OSBP2: variants seen among roughly 807,000 people sequenced by gnomAD.
OSBP2 encodes oxysterol-binding protein 2.
OSBP2 carries 66 observed loss-of-function variants against 96.0 expected under a neutral mutation model. The ratio of observed to expected loss-of-function variants is 0.69; its 90% CI spans 0.56 to 0.84. The LOEUF (loss-of-function observed/expected upper bound fraction) is 0.84. Ranked by LOEUF, OSBP2 falls within the 40% of genes least tolerant of loss-of-function variation. The pLI is 0.00. For missense variants in OSBP2, 1,038 were observed against 1,222.7 expected (o/e 0.85, Z 2.25); for synonymous variants, 525 against 520.9 (o/e 1.01, Z -0.11).
chr22:30,711,833 A>G (rs1283536557), intron 1 of OSBP2, among the ~76,000 whole-genome samples: 1 of 151,826 alleles, frequency 6.6e-6, no homozygotes. Context: ...GAAGCCCACC[A>G]TGGTGTCTGC....
intron 8 of OSBP2, among the ~76,000 whole-genome samples, chr22:30,891,589 G>C (rs2039948893): frequency 1.3e-5 from 2 of 152,214 alleles, no homozygotes; most frequent in South Asian, 4.1e-4. Context: ...GGCTGCAGCT[G>C]CTGCAAGGCC....
At chr22:30,759,082 G>A (rs765729719) in intron 2 of OSBP2, among the ~76,000 whole-genome samples, 19 of 152,134 alleles carry the variant, frequency 1.2e-4, no homozygotes, top group Non-Finnish European at 1.9e-4. Context: ...GCAAAGGGCC[G>A]GGCGCAGTGT....
intron 12 of OSBP2, among the ~76,000 whole-genome samples, chr22:30,899,430 G>A (rs1436869875): frequency 2.7e-5 from 4 of 150,480 alleles, no homozygotes; most frequent in Non-Finnish European, 4.4e-5. Flanking sequence ...AAAAAGAACT[G>A]ACTCTAGAAG....
At position 30,857,345 on chromosome 22, in the gene OSBP2, C is replaced by T. The variant is rs369935010; in HGVS notation, c.854-13084C>T. Among the ~76,000 whole-genome samples, 136 of 152,262 alleles carry T rather than the reference C, an allele frequency of 8.9e-4. 1 individual carries two copies. In the South Asian group the frequency reaches 0.027, roughly 30 times the overall value. ...CTCCTCCTTTTACAGGAGCAAACAC[C>T]GAGGCCCAGGGGAGGGCACCTGTGT... is the stretch of plus-strand genomic sequence containing the variant. On this transcript the variant is annotated intron_variant, in intron 2 of 13. Coordinates refer to ENST00000332585, the MANE Select transcript of OSBP2 (RefSeq NM_030758.4).
chr22:30,770,311 C>A (rs1016680756), intron 2 of OSBP2, among the ~76,000 whole-genome samples: 5 of 151,946 alleles, frequency 3.3e-5, no homozygotes, highest in African/African-American at 1.2e-4. Flanking sequence ...GTTGGCCAGG[C>A]TGACGAACTC....
chr22:30,907,260 A>T lies in OSBP2; in HGVS notation c.*921A>T, dbSNP rs997883435. 1 of 152,440 alleles carries T rather than the reference A, an allele frequency of 6.6e-6. No individual in the cohort carries two copies. Among genetic ancestry groups the T allele is most frequent in the Non-Finnish European group, 1.5e-5 (1 of 67,960 alleles). The allele number at this position is 152,440 out of a possible 1,614,324, so 9.4% of individuals were successfully genotyped here. Reference sequence around the variant, plus strand: ...GAGACCTTGCATCCCTCCTCATCCTAGGAGGCCCCTAGGGGTGCCCCATCT... The same window carrying T: ...GAGACCTTGCATCCCTCCTCATCCTTGGAGGCCCCTAGGGGTGCCCCATCT... On this transcript the variant is annotated 3_prime_UTR_variant, in exon 14 of 14. Transcript: ENST00000332585.
chr22:30,864,764 G>A (rs992119817), intron 2 of OSBP2, among the ~76,000 whole-genome samples: 11 of 152,098 alleles, frequency 7.2e-5, no homozygotes, highest in African/African-American at 2.2e-4. Context: ...TGCAGTGAGC[G>A]GGGTGAGTGC....
chr22:30,751,490 G>T (rs1206135206), intron 2 of OSBP2, among the ~76,000 whole-genome samples: 1 of 152,050 alleles, frequency 6.6e-6, no homozygotes, highest in Non-Finnish European at 1.5e-5. Context: ...AAGTAGCTGG[G>T]ATTATAGGTG....
intron 2 of OSBP2, among the ~76,000 whole-genome samples, chr22:30,833,111 C>A (rs1191422077): frequency 6.6e-6 from 1 of 152,154 alleles, no homozygotes; most frequent in African/African-American, 2.4e-5. Context: ...GCCATAGAAT[C>A]CTAGACTGTC....
chr22:30,879,020 C>T (rs1362140630), intron 3 of OSBP2, among the ~76,000 whole-genome samples: 1 of 152,188 alleles, frequency 6.6e-6, no homozygotes, highest in Admixed American at 6.5e-5. Flanking sequence ...ACCTGGGGCC[C>T]TCAGACAGGG....
Position 30,832,393 on chromosome 22 carries a change from C to T in OSBP2, c.854-38036C>T, listed in dbSNP as rs1000136060. 2.6e-5 allele frequency among the ~76,000 whole-genome samples: 4 copies of T among 151,832 alleles called. No individual in the cohort carries two copies. The East Asian group carries it at 7.8e-4, about 30-fold the overall frequency. On this transcript the variant is annotated intron_variant, in intron 2 of 13. Transcript: ENST00000332585. ...GCAGCCTCGACCTCCCCATCTCAAG[C>T]GATCCTCCCACCTCAGCCTCCCAAG...
At chr22:30,846,747 C>T (rs145821953) in intron 2 of OSBP2, among the ~76,000 whole-genome samples, 6 of 152,120 alleles carry the variant, frequency 3.9e-5, no homozygotes, top group African/African-American at 1.2e-4. Context: ...GTTTGGTTAT[C>T]TTTTATTGAT....
intron 3 of OSBP2, among the ~76,000 whole-genome samples, chr22:30,886,442 G>C (rs939024444): frequency 6.6e-6 from 1 of 152,048 alleles, no homozygotes; most frequent in Non-Finnish European, 1.5e-5. Context: ...GATGACAAAT[G>C]TTTCCTAATC....
chr22:30,697,359 A>C (rs750267915), intron 1 of OSBP2, among the ~76,000 whole-genome samples: 1 of 151,872 alleles, frequency 6.6e-6, no homozygotes. Flanking sequence ...GTTCACTGCA[A>C]CCTCCGCCTC....
intron 2 of OSBP2, among the ~76,000 whole-genome samples, chr22:30,832,226 G>C (rs749415535): frequency 2.0e-4 from 30 of 151,944 alleles, no homozygotes; most frequent in Non-Finnish European, 3.8e-4. Context: ...AATGTATCCA[G>C]AATTGATTTC....
intron 2 of OSBP2, among the ~76,000 whole-genome samples, chr22:30,758,827 A>C (rs1013766001): frequency 6.6e-6 from 1 of 152,168 alleles, no homozygotes; most frequent in Non-Finnish European, 1.5e-5. Flanking sequence ...GGGCAGCCAG[A>C]GGACTGAAAC....
intron 2 of OSBP2, among the ~76,000 whole-genome samples, chr22:30,755,087 G>T (rs1398096067): frequency 1.3e-5 from 2 of 152,154 alleles, no homozygotes; most frequent in East Asian, 3.9e-4. Flanking sequence ...CAACGCCCTA[G>T]CCAGGATCAG....
At chr22:30,751,717 G>T (rs539155191) in intron 2 of OSBP2, among the ~76,000 whole-genome samples, 1 of 152,190 alleles carries the variant, frequency 6.6e-6, no homozygotes, top group East Asian at 1.9e-4. Flanking sequence ...TAAATCATCC[G>T]CCCACAGCCG....
chr22:30,891,194 G>A lies in OSBP2; in HGVS notation c.1869+221G>A, dbSNP rs2039940728. ...GGCGAGGGGCATGAGAACTCAGCTT[G>A]GTGAGGACAAGGTCAGGCCTGGTTG... On this transcript the variant is annotated intron_variant, in intron 8 of 13. Coordinates refer to ENST00000332585, the MANE Select transcript of OSBP2 (RefSeq NM_030758.4). 2.0e-5 allele frequency among the ~76,000 whole-genome samples: 3 copies of A among 152,242 alleles called. No homozygotes were observed. In the South Asian group the frequency reaches 6.2e-4, roughly 31 times the overall value.
Sources: allele counts gnomAD v4.1 joint callset (sites outside exome capture counted in the v4.1 genomes callset), GRCh38; gene constraint gnomAD v4.1.1; transcripts MANE v1.5; gene names NCBI Gene and HGNC (gene_info 2026-07-23, HGNC 2026-07-21).